The following ANKMY2 variants were observed in gnomAD, a reference collection of about 807,000 sequenced individuals.
ANKMY2 encodes ankyrin repeat and MYND domain containing 2, also known as ankyrin repeat and MYND domain-containing protein 2.
A neutral mutation model predicts 50.4 loss-of-function variants in ANKMY2; 36 were observed. That is an observed-to-expected ratio of 0.71 (90% confidence interval 0.55 to 0.94). The LOEUF (loss-of-function observed/expected upper bound fraction) is 0.94. ANKMY2 is among the 40% of genes least tolerant of loss of function. The probability of loss-of-function intolerance (pLI) is 0.00; values close to 1 mark genes in which losing one functional copy is unlikely to be tolerated. For synonymous variants in ANKMY2, 187 were observed against 178.8 expected, an observed-to-expected ratio of 1.05 and a Z score of -0.36; for missense variants, 565 against 524.0, an observed-to-expected ratio of 1.08 and a Z score of -0.76.
chr7:16,624,928 TTC>T (rs1781489257), intron 4 of ANKMY2, 53 bp downstream of exon 4: 1 of 1,508,874 alleles, frequency 6.6e-7, no homozygotes, highest in South Asian at 1.2e-5. Flanking sequence ...TGGGTTTTTT[TTC>T]CACAAGGGAA....
In ANKMY2 at chr7:16,645,521, T is replaced by C; in HGVS notation, c.53A>G (p.Glu18Gly). The stretch of plus-strand genomic sequence containing the variant: ...AGCACCCGTACCTTTCCCGATGACT[T>C]CCAGTAGCTCCTTCTCCTCCTGGGT... The part of the protein sequence containing the change: ...ELTQEEKELL[E>G]VIGKGTVQEA... The change falls in exon 1 of 10, where the codon GAA becomes GGA. Residue 18 changes from glutamate to glycine, a missense_variant. Transcript: ENST00000306999. The C allele has an allele frequency of 6.2e-7, 1 of 1,611,490 alleles. No individual in the cohort carries two copies. The highest frequency in any genetic ancestry group is 1.1e-5 in the South Asian group (1 of 90,648).
At chr7:16,637,636 TTG>T (rs1359530692) in intron 1 of ANKMY2, among the ~76,000 whole-genome samples, 1 of 152,202 alleles carries the variant, frequency 6.6e-6, no homozygotes, top group Non-Finnish European at 1.5e-5. Context: ...GGCAAAGCTC[TTG>T]TGTGTGTGAG....
At chr7:16,602,582 A>T in intron 8 of ANKMY2, 73 bp from the exon 9 acceptor site, 4 of 1,506,818 alleles carry the variant, frequency 2.7e-6, no homozygotes, top group Non-Finnish European at 3.6e-6. Flanking sequence ...GACTAAACCA[A>T]GAACTAAGCT....
intron 2 of ANKMY2, among the ~76,000 whole-genome samples, chr7:16,628,320 T>C (rs940843630): frequency 6.6e-6 from 1 of 152,198 alleles, no homozygotes; most frequent in Non-Finnish European, 1.5e-5. Flanking sequence ...GTTAATGCAG[T>C]ACACACTATG....
chr7:16,603,207 G>A (rs1273989387), intron 8 of ANKMY2, among the ~76,000 whole-genome samples: 1 of 152,136 alleles, frequency 6.6e-6, no homozygotes, highest in African/African-American at 2.4e-5. Flanking sequence ...ACAATGACAA[G>A]GAAGATAGAG....
At chr7:16,607,290 G>A (rs940333314) in intron 7 of ANKMY2, among the ~76,000 whole-genome samples, 2 of 152,158 alleles carry the variant, frequency 1.3e-5, no homozygotes, top group African/African-American at 4.8e-5. Context: ...TCTAGGCCGG[G>A]TACGGTGGCT....
intron 1 of ANKMY2, among the ~76,000 whole-genome samples, 189 bp downstream of exon 1, chr7:16,645,318 T>C (rs930502467): frequency 1.3e-5 from 2 of 152,160 alleles, no homozygotes; most frequent in African/African-American, 4.8e-5. Context: ...CCAGCACTGC[T>C]TCTGCCTCCC....
In ANKMY2 at chr7:16,615,765, T is replaced by C. The variant is rs757165307; in HGVS notation, c.510A>G (p.Thr170=). 1.2e-6 allele frequency: 2 copies of C among 1,614,096 alleles called. No individual in the cohort carries two copies. Among genetic ancestry groups the C allele is most frequent in the African/African-American group, 2.7e-5 (2 of 74,944 alleles). The change falls in exon 5 of 10, where the codon ACA becomes ACG. Residue 170 remains threonine, a synonymous_variant. Coordinates refer to ENST00000306999, the MANE Select transcript of ANKMY2 (RefSeq NM_020319.3). The stretch of plus-strand genomic sequence containing the variant: ...CTACCTTGACAGGATGAAGATTCGT[T>C]GTGGTGATAATTTTGTGCAGCGGGC... ...LAGPLHKIIT[T]TNLHPVKIVM...
At chr7:16,605,203 C>T (rs1001753377) in intron 7 of ANKMY2, among the ~76,000 whole-genome samples, 1 of 152,140 alleles carries the variant, frequency 6.6e-6, no homozygotes, top group Non-Finnish European at 1.5e-5. Flanking sequence ...AACTGACATC[C>T]AGAAAATATT....
At chr7:16,604,638 T>C in intron 8 of ANKMY2, 83 bp downstream of exon 8, 1 of 1,507,112 alleles carries the variant, frequency 6.6e-7, no homozygotes, top group Non-Finnish European at 8.9e-7. Context: ...TAATGTCCAC[T>C]CTTACAGAAT....
At chr7:16,637,672 AC>A (rs1241526595) in intron 1 of ANKMY2, among the ~76,000 whole-genome samples, 1 of 152,168 alleles carries the variant, frequency 6.6e-6, no homozygotes, top group Non-Finnish European at 1.5e-5. Flanking sequence ...TCTACATGAA[AC>A]CTTATTCGTA....
chr7:16,640,827 C>T (rs1562468253), intron 1 of ANKMY2, among the ~76,000 whole-genome samples: 4 of 152,064 alleles, frequency 2.6e-5, no homozygotes, highest in Admixed American at 1.3e-4. Flanking sequence ...CTATGTCCAG[C>T]TGGATTGCAA....
chr7:16,603,797 TTGCCATGACAA>T (rs1781111851), intron 8 of ANKMY2: 1 of 445,008 alleles, frequency 2.2e-6, no homozygotes. Flanking sequence ...ACCTTTGCTA[TTGCCATGACAA>T]CATGCTCAGC....
intron 8 of ANKMY2, among the ~76,000 whole-genome samples, chr7:16,603,820 T>G (rs1342019426): frequency 6.6e-6 from 1 of 152,210 alleles, no homozygotes; most frequent in Non-Finnish European, 1.5e-5. Flanking sequence ...ATGCTCAGCC[T>G]AGCCTGCTAG....
intron 2 of ANKMY2, among the ~76,000 whole-genome samples, chr7:16,631,715 A>T (rs924335735): frequency 6.6e-6 from 1 of 151,746 alleles, no homozygotes; most frequent in African/African-American, 2.4e-5. Context: ...CCAGGGTTCA[A>T]GCGATTCTCC....
In ANKMY2 at chr7:16,603,800, C is replaced by T. The variant is rs984670312; in HGVS notation, c.1011+921G>A. 1.1e-5 allele frequency: 5 copies of T among 441,810 alleles called. No individual in the cohort carries two copies. In the Admixed American group the frequency reaches 1.2e-4, roughly 11 times the overall value. The allele number at this position is 441,810 out of a possible 1,614,324, so 27.4% of individuals were successfully genotyped here. A position where few individuals can be genotyped will look rare whatever the true frequency, so the allele number is the denominator to read the frequency against. On this transcript the variant is annotated intron_variant, in intron 8 of 9. Transcript: ENST00000306999. ...CTGCCCATGTGTACCTTTGCTATTG[C>T]CATGACAACATGCTCAGCCTAGCCT...
chr7:16,624,258 GCTCTTT>G (rs1401657739), intron 4 of ANKMY2, among the ~76,000 whole-genome samples: 1 of 152,118 alleles, frequency 6.6e-6, no homozygotes, highest in African/African-American at 2.4e-5. Flanking sequence ...ATCAGACGTT[GCTCTTT>G]GCTTTTCTCT....
intron 4 of ANKMY2, 32 bp downstream of exon 4, chr7:16,624,951 T>C (rs776028261): frequency 2.0e-5 from 32 of 1,584,344 alleles, no homozygotes; most frequent in Non-Finnish European, 2.6e-5. Flanking sequence ...ATTTTGGGTA[T>C]AATCTAATGC....
Position 16,599,799 on chromosome 7 carries a change from T to A in ANKMY2, c.*962A>T, listed in dbSNP as rs1345294248. On this transcript the variant is annotated 3_prime_UTR_variant, in exon 10 of 10. Coordinates refer to ENST00000306999, the MANE Select transcript of ANKMY2 (RefSeq NM_020319.3). ...AGTTGTTTATATTTGTAGGCACAAT[T>A]TATTTTAAAATCCACACAAGAAACC... 6.6e-6 allele frequency: 1 copy of A among 152,196 alleles called. No homozygotes were observed. The highest frequency in any genetic ancestry group is 1.9e-4 in the East Asian group (1 of 5,202). 9.4% of individuals were successfully genotyped at this position (152,196 alleles called of 1,614,324 possible).
Sources: allele counts gnomAD v4.1 joint callset (sites outside exome capture counted in the v4.1 genomes callset), GRCh38; gene constraint gnomAD v4.1.1; transcripts MANE v1.5; gene names NCBI Gene and HGNC (gene_info 2026-07-23, HGNC 2026-07-21).